GABRA2: variants seen among roughly 807,000 people sequenced by gnomAD.
The protein encoded by GABRA2 is gamma-aminobutyric acid receptor subunit alpha-2.
GABRA2 carries 16 observed loss-of-function variants against 48.7 expected under a neutral mutation model. The ratio of observed to expected loss-of-function variants is 0.33; its 90% confidence interval spans 0.22 to 0.50. The LOEUF (loss-of-function observed/expected upper bound fraction) is 0.50. Among genes scored for constraint, GABRA2 ranks in the 20% least tolerant of loss-of-function variants. The probability of loss-of-function intolerance (pLI) is 0.98; values close to 1 mark genes in which losing one functional copy is unlikely to be tolerated. For missense variants in GABRA2, 275 were observed against 535.6 expected (o/e 0.51, Z 4.80); for synonymous variants, 185 against 184.5 (o/e 1.00, Z -0.02).
intron 3 of GABRA2, among the ~76,000 whole-genome samples, chr4:46,352,105 G>T (rs34865753): frequency 1.3e-5 from 2 of 151,738 alleles, no homozygotes; most frequent in Non-Finnish European, 2.9e-5. Context: ...CAAAGAATTC[G>T]CCCCATGTTT....
At chr4:46,313,996 C>G (rs1728127021) in intron 4 of GABRA2, among the ~76,000 whole-genome samples, 1 of 152,082 alleles carries the variant, frequency 6.6e-6, no homozygotes, top group East Asian at 1.9e-4. Context: ...AGTGAAAATC[C>G]TAGGTACTGG....
At chr4:46,280,550 A>G (rs1415258730) in intron 8 of GABRA2, among the ~76,000 whole-genome samples, 1 of 152,146 alleles carries the variant, frequency 6.6e-6, no homozygotes, top group Admixed American at 6.6e-5. Context: ...TAAAGTTTGT[A>G]ACACAAGTAT....
chr4:46,368,929 G>C, intron 3 of GABRA2: 1 of 691,658 alleles, frequency 1.4e-6, no homozygotes, highest in Non-Finnish European at 2.6e-6. Context: ...TCTGCCCATG[G>C]AGAGCATTTG....
rs867191557 is a variant in GABRA2 at position 46,377,759 on chromosome 4, C to T, written c.187+8315G>A. Among the ~76,000 whole-genome samples, 67 of 144,186 alleles carry T rather than the reference C, an allele frequency of 4.6e-4. 1 individual carries two copies. Among genetic ancestry groups the T allele is most frequent in the Admixed American group, 1.1e-3 (17 of 14,800 alleles). The allele number at this position is 144,186 out of a possible 152,430, so 94.6% of individuals were successfully genotyped here. On this transcript the variant is annotated intron_variant, in intron 3 of 9. Transcript: ENST00000381620. The stretch of plus-strand genomic sequence containing the variant: ...GGGGTCAGCCCCCCGCCCGGCCAGC[C>T]GCCCCGTCCGGGAAGTGAGGGGCGC...
At chr4:46,266,420 T>G (rs2109375417) in intron 8 of GABRA2, among the ~76,000 whole-genome samples, 1 of 149,918 alleles carries the variant, frequency 6.7e-6, no homozygotes, top group Non-Finnish European at 1.5e-5. Context: ...AATTCTTGGT[T>G]GAGTATTTTT....
At chr4:46,384,148 C>T (rs1686336534) in intron 3 of GABRA2, among the ~76,000 whole-genome samples, 1 of 152,120 alleles carries the variant, frequency 6.6e-6, no homozygotes, top group Non-Finnish European at 1.5e-5. Flanking sequence ...CCAGTCTAGA[C>T]CTGTCTGCCT....
intron 4 of GABRA2, among the ~76,000 whole-genome samples, chr4:46,332,087 A>C (rs1353846827): frequency 3.3e-5 from 5 of 152,142 alleles, no homozygotes. Context: ...CCAACATTCT[A>C]ATTTTTTTAG....
At chr4:46,318,380 T>C (rs1411557681) in intron 4 of GABRA2, among the ~76,000 whole-genome samples, 4 of 151,400 alleles carry the variant, frequency 2.6e-5, no homozygotes, top group African/African-American at 4.8e-5. Flanking sequence ...CCAGTTTTTG[T>C]ATGTTTTGTT....
At chr4:46,288,190 C>T (rs776016131) in intron 8 of GABRA2, among the ~76,000 whole-genome samples, 7 of 152,260 alleles carry the variant, frequency 4.6e-5, no homozygotes, top group Middle Eastern at 3.4e-3. Flanking sequence ...ACCATATCAA[C>T]GACCATACTA....
At chr4:46,328,842 C>A (rs998574545) in intron 4 of GABRA2, among the ~76,000 whole-genome samples, 1 of 152,110 alleles carries the variant, frequency 6.6e-6, no homozygotes, top group Non-Finnish European at 1.5e-5. Flanking sequence ...CAAACTTTGC[C>A]TCCTTACTTA....
At chr4:46,261,307 C>T (rs1181244704) in intron 9 of GABRA2, 1 of 152,508 alleles carries the variant, frequency 6.6e-6, no homozygotes, top group African/African-American at 2.4e-5. Flanking sequence ...AGCATTCCAG[C>T]ACCGACATAT....
intron 7 of GABRA2, 90 bp downstream of exon 7, chr4:46,305,478 A>G (rs1726521745): frequency 8.0e-7 from 1 of 1,248,714 alleles, no homozygotes; most frequent in Non-Finnish European, 1.1e-6. Context: ...CTCAAGAGCA[A>G]AAGATTTTAA....
chr4:46,263,540 T>A (rs146780150), intron 8 of GABRA2, among the ~76,000 whole-genome samples: 419 of 152,262 alleles, frequency 2.8e-3, no homozygotes, highest in Non-Finnish European at 4.2e-3. Flanking sequence ...CAATTGACCA[T>A]AGATATATGG....
At chr4:46,340,872 G>T (rs531424936) in intron 3 of GABRA2, among the ~76,000 whole-genome samples, 3 of 151,582 alleles carry the variant, frequency 2.0e-5, no homozygotes, top group Non-Finnish European at 4.4e-5. Flanking sequence ...TGCAAATGTT[G>T]GTATGCTTTA....
At position 46,295,570 on chromosome 4, in the gene GABRA2, C is replaced by T. The variant is rs373941759; in HGVS notation, c.856+7890G>A. ...TGTCATTGCCCAATGGGTCCATGGA[C>T]AATGTGGCCATGGTGGCAGGGATGG... On this transcript the variant is annotated intron_variant, in intron 8 of 9. Transcript: ENST00000381620. Among the ~76,000 whole-genome samples, 4 of 152,294 alleles carry T rather than the reference C, an allele frequency of 2.6e-5. No individual in the cohort carries two copies. The South Asian group carries it at 8.3e-4, about 32-fold the overall frequency.
At chr4:46,277,826 T>C (rs1720789515) in intron 8 of GABRA2, among the ~76,000 whole-genome samples, 1 of 152,164 alleles carries the variant, frequency 6.6e-6, no homozygotes, top group African/African-American at 2.4e-5. Context: ...TCAGTCCCAG[T>C]TGAAGGTTGT....
Position 46,274,999 on chromosome 4 carries a change from C to A in GABRA2, c.857-12871G>T, listed in dbSNP as rs114092301. ...ACTGCTTAAATGGATGCCTAGGAAG[C>A]ATTGGGCAGTTTTATTTTAGTTAAT... is the stretch of plus-strand genomic sequence containing the variant. On this transcript the variant is annotated intron_variant, in intron 8 of 9. Coordinates refer to ENST00000381620, the MANE Select transcript of GABRA2 (RefSeq NM_000807.4). 7.5e-3 allele frequency among the ~76,000 whole-genome samples: 1,144 copies of A among 152,134 alleles called. 15 individuals carry two copies. Among genetic ancestry groups the A allele is most frequent in the African/African-American group, 0.026 (1,076 of 41,506 alleles).
chr4:46,382,235 A>G (rs1466530663), intron 3 of GABRA2, among the ~76,000 whole-genome samples: 1 of 151,976 alleles, frequency 6.6e-6, no homozygotes, highest in Non-Finnish European at 1.5e-5. Context: ...CACAAAGAAA[A>G]AATGAAATTG....
intron 3 of GABRA2, among the ~76,000 whole-genome samples, chr4:46,357,801 C>T (rs1392618560): frequency 6.6e-6 from 1 of 151,446 alleles, no homozygotes; most frequent in Non-Finnish European, 1.5e-5. Context: ...GCTGGGACTA[C>T]AGGCACATTC....
Sources: allele counts gnomAD v4.1 joint callset (sites outside exome capture counted in the v4.1 genomes callset), GRCh38; gene constraint gnomAD v4.1.1; transcripts MANE v1.5; gene names NCBI Gene and HGNC (gene_info 2026-07-23, HGNC 2026-07-21).